Variants in SAMD5 observed in about 807,000 individuals in gnomAD.
SAMD5 encodes the protein sterile alpha motif domain-containing protein 5.
A neutral mutation model predicts 11.3 loss-of-function variants in SAMD5; 13 were observed. The ratio of observed to expected loss-of-function variants is 1.15; its 90% CI spans 0.75 to 1.83. The LOEUF is 1.83. Among genes scored for constraint, SAMD5 ranks in the 40% most tolerant of loss-of-function variants. The pLI is 0.00. For synonymous variants in SAMD5, 129 were observed against 111.3 expected (o/e 1.16, Z -1.00); for missense variants, 255 against 239.1 (o/e 1.07, Z -0.44).
intron 1 of SAMD5, among the ~76,000 whole-genome samples, chr6:147,620,962 C>CTGTGTGTGTGTGTGTGTGTGTG (rs78040354): frequency 6.2e-5 from 8 of 128,550 alleles, no homozygotes; most frequent in African/African-American, 2.1e-4. Context: ...GTATGTGCCT[C>CTGTGTGTGTGTGTGTGTGTGTG]TGTGTGTGTG....
At chr6:147,948,433 T>C in the SAMD5 span, among the ~76,000 whole-genome samples, 1 of 152,184 alleles carries the variant, frequency 6.6e-6, no homozygotes, top group African/African-American at 2.4e-5. Context: ...TTGAAAGGAA[T>C]ATAGGAAATT....
chr6:147,814,539 C>T, the SAMD5 span, among the ~76,000 whole-genome samples: 1 of 152,106 alleles, frequency 6.6e-6, no homozygotes, highest in African/African-American at 2.4e-5. Context: ...ATGCTTCCTT[C>T]ATTATGGCTC....
intron 1 of SAMD5, among the ~76,000 whole-genome samples, chr6:147,548,456 C>A (rs565024389): frequency 1.6e-4 from 24 of 152,234 alleles, no homozygotes; most frequent in African/African-American, 5.8e-4. Context: ...ATTATGTGTT[C>A]CCTGTTAACT....
intron 1 of SAMD5, among the ~76,000 whole-genome samples, chr6:147,600,437 A>C (rs1789598282): frequency 2.6e-5 from 4 of 152,226 alleles, no homozygotes; most frequent in Admixed American, 1.3e-4. Context: ...GATAGATAAA[A>C]GATGTAAAGA....
chr6:147,854,237 G>A, the SAMD5 span, among the ~76,000 whole-genome samples: 3 of 152,280 alleles, frequency 2.0e-5, 1 homozygote, highest in South Asian at 6.2e-4. Context: ...ATCTTGGTGG[G>A]ACTGGACCAA....
the SAMD5 span, among the ~76,000 whole-genome samples, chr6:147,795,224 C>G: frequency 8.2e-6 from 1 of 122,440 alleles, no homozygotes. Context: ...CCTCCCCCCA[C>G]CCCACAACAG....
chr6:147,521,448 TC>T (rs1788251344), intron 1 of SAMD5, among the ~76,000 whole-genome samples: 1 of 152,116 alleles, frequency 6.6e-6, no homozygotes. Flanking sequence ...AGTGTAAAAT[TC>T]TTATATTTTC....
the SAMD5 span, among the ~76,000 whole-genome samples, chr6:147,893,373 G>T: frequency 6.6e-6 from 1 of 152,050 alleles, no homozygotes; most frequent in Non-Finnish European, 1.5e-5. Context: ...AGAATTTGAA[G>T]CCAGAATCTG....
intron 1 of SAMD5, among the ~76,000 whole-genome samples, chr6:147,693,083 C>T (rs1456771914): frequency 2.0e-5 from 3 of 152,284 alleles, no homozygotes; most frequent in South Asian, 4.1e-4. Context: ...AGTGTGCGCT[C>T]TCTCCGACAA....
intron 1 of SAMD5, among the ~76,000 whole-genome samples, chr6:147,591,188 G>A (rs961289014): frequency 1.3e-5 from 2 of 151,736 alleles, no homozygotes; most frequent in Non-Finnish European, 2.9e-5. Flanking sequence ...GGTCAACAGA[G>A]CAACTACCTC....
At chr6:147,897,943 T>TGAAAAAA in the SAMD5 span, among the ~76,000 whole-genome samples, 1 of 89,638 alleles carries the variant, frequency 1.1e-5, no homozygotes. Context: ...AGATTTTTCT[T>TGAAAAAA]AAAAAAAAAA....
the SAMD5 span, among the ~76,000 whole-genome samples, chr6:147,944,123 C>T: frequency 1.3e-3 from 204 of 152,278 alleles, 1 homozygote; most frequent in Middle Eastern, 0.027. Context: ...TTTCCCTCCC[C>T]CTCTCTCACT....
the SAMD5 span, among the ~76,000 whole-genome samples, chr6:147,796,593 A>G: frequency 6.6e-5 from 10 of 152,106 alleles, no homozygotes; most frequent in African/African-American, 2.4e-4. Context: ...GTTTTTTCCA[A>G]TTCTGTGAAG....
chr6:147,742,918 G>A, the SAMD5 span, among the ~76,000 whole-genome samples: 7 of 152,136 alleles, frequency 4.6e-5, no homozygotes, highest in Non-Finnish European at 7.3e-5. Flanking sequence ...ATTGTGTGGT[G>A]CTCTCTTTAT....
chr6:147,938,290 G>T, the SAMD5 span, among the ~76,000 whole-genome samples: 12 of 119,062 alleles, frequency 1.0e-4, no homozygotes, highest in South Asian at 4.4e-3. Context: ...AAAGATCAAA[G>T]AACTCATTAC....
At chr6:147,859,196 C>T in the SAMD5 span, among the ~76,000 whole-genome samples, 1 of 151,942 alleles carries the variant, frequency 6.6e-6, no homozygotes, top group Non-Finnish European at 1.5e-5. Flanking sequence ...TCCCTTTGTG[C>T]AGTAATCTAC....
chr6:147,602,975 A>G (rs915291836), intron 1 of SAMD5, among the ~76,000 whole-genome samples: 1 of 152,190 alleles, frequency 6.6e-6, no homozygotes, highest in Non-Finnish European at 1.5e-5. Context: ...TGAAGTTGAT[A>G]AGAATCAACT....
At chr6:147,740,256 A>G (rs1016982421), downstream of SAMD5, among the ~76,000 whole-genome samples, 9 of 152,208 alleles carry the variant, frequency 5.9e-5, no homozygotes, top group African/African-American at 2.2e-4. Flanking sequence ...AGCTACCCAG[A>G]GATACGCATC....
chr6:147,855,642 ATTTG>A, the SAMD5 span, among the ~76,000 whole-genome samples: 2 of 152,168 alleles, frequency 1.3e-5, no homozygotes, highest in Non-Finnish European at 2.9e-5. Context: ...AAATATTAGA[ATTTG>A]TTTGGGTTCA....
Sources: gnomAD v4.1 joint callset for allele counts (sites outside exome capture counted in the v4.1 genomes callset) on GRCh38, gnomAD v4.1.1 for gene constraint, MANE v1.5 for transcripts, NCBI Gene and HGNC (gene_info 2026-07-23, HGNC 2026-07-21) for gene names.